Variants in SH3KBP1 observed in about 807,000 individuals in gnomAD.
SH3KBP1 encodes SH3 domain-containing kinase-binding protein 1.
Under a neutral mutation model 50.1 loss-of-function variants are expected in SH3KBP1, and 8 were observed. That is an observed-to-expected ratio of 0.16 (90% CI 0.09 to 0.29). The LOEUF is 0.29. Ranked by LOEUF, SH3KBP1 falls within the 10% of genes least tolerant of loss-of-function variation. The probability of loss-of-function intolerance (pLI) is 1.00; values close to 1 mark genes in which losing one functional copy is unlikely to be tolerated. For missense variants in SH3KBP1, 377 were observed against 535.2 expected (o/e 0.70, Z 2.92); for synonymous variants, 227 against 218.6 (o/e 1.04, Z -0.34).
At chrX:19,730,631 C>T (rs1452009898) in intron 3 of SH3KBP1, among the ~76,000 whole-genome samples, 1 of 111,826 alleles carries the variant, frequency 8.9e-6, no homozygotes, top group Non-Finnish European at 1.9e-5. Context: ...AACAAGCAAG[C>T]TGCAGGTGGT....
chrX:19,543,264 G>A (rs972892755), intron 15 of SH3KBP1, among the ~76,000 whole-genome samples: 1 of 111,672 alleles, frequency 9.0e-6, no homozygotes, highest in African/African-American at 3.3e-5. Context: ...CGGGTGTGGT[G>A]CACACACCAG....
intron 2 of SH3KBP1, among the ~76,000 whole-genome samples, chrX:19,749,736 A>G (rs1408440090): frequency 8.9e-6 from 1 of 112,811 alleles, no homozygotes; most frequent in Non-Finnish European, 1.9e-5. Context: ...GGACATAGAT[A>G]GTACGGATAG....
At chrX:19,786,202 G>A (rs753769155) in intron 2 of SH3KBP1, among the ~76,000 whole-genome samples, 2 of 111,205 alleles carry the variant, frequency 1.8e-5, no homozygotes, top group South Asian at 7.6e-4. Flanking sequence ...GCATGTCTGG[G>A]GCCATGGTGG....
intron 9 of SH3KBP1, among the ~76,000 whole-genome samples, chrX:19,605,715 A>ACGTG (rs2067224813): frequency 8.9e-6 from 1 of 112,001 alleles, no homozygotes; most frequent in South Asian, 3.7e-4. Context: ...ACCCATGTGC[A>ACGTG]CGCTTCACTT....
At chrX:19,839,333 A>C (rs2068157539) in intron 1 of SH3KBP1, among the ~76,000 whole-genome samples, 2 of 109,201 alleles carry the variant, frequency 1.8e-5, no homozygotes, top group South Asian at 7.9e-4. Flanking sequence ...AAAAAAAAAA[A>C]ACAAAATTTT....
At chrX:19,596,553 T>A (rs1258717685) in intron 9 of SH3KBP1, among the ~76,000 whole-genome samples, 1 of 111,780 alleles carries the variant, frequency 8.9e-6, no homozygotes, top group Non-Finnish European at 1.9e-5. Flanking sequence ...TGATTGACTT[T>A]CTTTCGTGAA....
At chrX:19,589,239 G>A (rs1257111767) in intron 11 of SH3KBP1, among the ~76,000 whole-genome samples, 2 of 112,489 alleles carry the variant, frequency 1.8e-5, no homozygotes, top group African/African-American at 6.5e-5. Context: ...TAGGCCGACA[G>A]CCCCTGAGGG....
chrX:19,713,450 T>TG (rs1003068353), intron 3 of SH3KBP1, among the ~76,000 whole-genome samples: 1 of 107,913 alleles, frequency 9.3e-6, no homozygotes, highest in Non-Finnish European at 1.9e-5. Flanking sequence ...TTTGTAAAGA[T>TG]GGGGTCTCGC....
intron 2 of SH3KBP1, among the ~76,000 whole-genome samples, chrX:19,750,800 A>G (rs1324370668): frequency 9.0e-6 from 1 of 111,102 alleles, no homozygotes; most frequent in Non-Finnish European, 1.9e-5. Context: ...CTATTTTTTC[A>G]CTTGTTCCTA....
At chrX:19,689,047 C>T (rs112855893) in intron 5 of SH3KBP1, among the ~76,000 whole-genome samples, 26 of 112,002 alleles carry the variant, frequency 2.3e-4, no homozygotes, top group South Asian at 7.5e-4. Context: ...TTCCAATTTC[C>T]GTGTCCTACA....
rs766393933 is a variant in SH3KBP1 at position 19,779,393 on chromosome X, T to C, written c.163-32952A>G. ...GGGTTCACATTTCCTATTATCTGCT[T>C]GGCTTTAGGTCTAGTTTCCAGGAAA... On this transcript the variant is annotated intron_variant, in intron 2 of 17. Coordinates refer to ENST00000397821, the MANE Select transcript of SH3KBP1 (RefSeq NM_031892.3). Among the ~76,000 whole-genome samples the C allele has an allele frequency of 1.7e-3, 191 of 109,458 alleles. 1 individual carries two copies. Among genetic ancestry groups the C allele is most frequent in the African/African-American group, 6.1e-3 (183 of 30,146 alleles).
chrX:19,550,138 G>C, intron 13 of SH3KBP1, 55 bp from the exon 14 acceptor site: 1 of 764,537 alleles, frequency 1.3e-6, no homozygotes, highest in Non-Finnish European at 2.0e-6. Context: ...AGACTCTTAT[G>C]ATATGTCATA....
chrX:19,545,113 G>A (rs1385482068), intron 15 of SH3KBP1, among the ~76,000 whole-genome samples: 1 of 112,302 alleles, frequency 8.9e-6, no homozygotes, highest in Non-Finnish European at 1.9e-5. Context: ...TAAATCTATG[G>A]AGAAGGAAAA....
intron 2 of SH3KBP1, among the ~76,000 whole-genome samples, chrX:19,821,562 T>C (rs1205471613): frequency 9.0e-6 from 1 of 111,226 alleles, no homozygotes; most frequent in East Asian, 2.8e-4. Context: ...GGAGTCTCAC[T>C]CTGTCGCCCA....
intron 3 of SH3KBP1, among the ~76,000 whole-genome samples, chrX:19,727,791 T>C (rs1232166198): frequency 8.9e-6 from 1 of 111,963 alleles, no homozygotes. Context: ...TGAGACTATC[T>C]TGGCCAACAT....
intron 15 of SH3KBP1, among the ~76,000 whole-genome samples, chrX:19,544,410 C>T (rs1416599655): frequency 9.1e-6 from 1 of 110,180 alleles, no homozygotes; most frequent in African/African-American, 3.3e-5. Context: ...GAGTAGTTCC[C>T]CAAGACTCAT....
intron 6 of SH3KBP1, among the ~76,000 whole-genome samples, chrX:19,671,954 T>C (rs889448043): frequency 8.0e-5 from 9 of 112,113 alleles, no homozygotes; most frequent in Non-Finnish European, 1.7e-4. Context: ...TATTTAAATT[T>C]TTAATTAAAC....
chrX:19,660,107 T>A (rs1228282306), intron 6 of SH3KBP1, among the ~76,000 whole-genome samples: 3 of 112,666 alleles, frequency 2.7e-5, no homozygotes, highest in Non-Finnish European at 5.6e-5. Flanking sequence ...CGTGCCACTT[T>A]CAGCACCTAG....
chrX:19,543,477 A>C (rs1034470837), intron 15 of SH3KBP1, among the ~76,000 whole-genome samples: 6 of 111,018 alleles, frequency 5.4e-5, no homozygotes, highest in African/African-American at 2.0e-4. Flanking sequence ...CTGAGAGGAA[A>C]ACTGGGTGGA....
Sources: allele counts gnomAD v4.1 joint callset (sites outside exome capture counted in the v4.1 genomes callset), GRCh38; gene constraint gnomAD v4.1.1; transcripts MANE v1.5; gene names NCBI Gene and HGNC (gene_info 2026-07-23, HGNC 2026-07-21).